Variants in MAPK6 observed in about 807,000 individuals in gnomAD.
MAPK6 encodes ERK-3.
MAPK6 carries 19 observed loss-of-function variants against 59.3 expected under a neutral mutation model. The ratio of observed to expected loss-of-function variants is 0.32; its 90% CI spans 0.22 to 0.47. The LOEUF is 0.47. MAPK6 is among the 20% of genes least tolerant of loss of function. The pLI is 1.00. For missense variants in MAPK6, 724 were observed against 847.9 expected, an observed-to-expected ratio of 0.85 and a Z score of 1.81; for synonymous variants, 316 against 290.3, an observed-to-expected ratio of 1.09 and a Z score of -0.90.
intron 3 of MAPK6, among the ~76,000 whole-genome samples, chr15:52,007,314 C>A (rs894080576): frequency 4.6e-5 from 7 of 152,002 alleles, no homozygotes; most frequent in Non-Finnish European, 4.4e-5. Context: ...CCACCTTCTT[C>A]AGGGCTATCT....
At chr15:51,995,854 G>A (rs1191602691) in intron 2 of MAPK6, among the ~76,000 whole-genome samples, 2 of 152,074 alleles carry the variant, frequency 1.3e-5, no homozygotes, top group Non-Finnish European at 2.9e-5. Flanking sequence ...CTTAAACCCG[G>A]GAGGCAGAGG....
rs918490712 is a variant in MAPK6, at chr15:52,065,333, G to C, written c.*333G>C. 1.5e-5 allele frequency: 3 copies of C among 195,266 alleles called. No individual in the cohort carries two copies. The highest frequency in any genetic ancestry group is 3.1e-5 in the Non-Finnish European group (3 of 96,514). The allele number at this position is 195,266 out of a possible 1,614,324, so 12.1% of individuals were successfully genotyped here. A position where few individuals can be genotyped will look rare whatever the true frequency, so the allele number is the denominator to read the frequency against. Reference sequence around the variant, plus strand: ...CCTTGCCTTGAAATTTACACAGTGAGACTGTACATAATTGCATGAAAATAG... The same window carrying C: ...CCTTGCCTTGAAATTTACACAGTGACACTGTACATAATTGCATGAAAATAG... On this transcript the variant is annotated 3_prime_UTR_variant, in exon 6 of 6. Transcript: ENST00000261845.
At chr15:51,975,538 TAA>T (rs1022543679) in intron 1 of MAPK6, among the ~76,000 whole-genome samples, 1 of 144,666 alleles carries the variant, frequency 6.9e-6, no homozygotes. Flanking sequence ...AGACTCCGTC[TAA>T]AAAAAAAAAG....
At chr15:51,985,055 T>A (rs1595957943) in intron 2 of MAPK6, among the ~76,000 whole-genome samples, 1 of 152,218 alleles carries the variant, frequency 6.6e-6, no homozygotes, top group Non-Finnish European at 1.5e-5. Flanking sequence ...TTATAACATA[T>A]TGCCAGGCAA....
chr15:52,035,294 TG>T (rs1231390190), intron 1 of MAPK6, among the ~76,000 whole-genome samples: 1 of 152,200 alleles, frequency 6.6e-6, no homozygotes, highest in Non-Finnish European at 1.5e-5. Flanking sequence ...CTTTTCTTCA[TG>T]GGATTCTCTC....
At chr15:51,995,762 T>C (rs2057222319) in intron 2 of MAPK6, among the ~76,000 whole-genome samples, 1 of 152,058 alleles carries the variant, frequency 6.6e-6, no homozygotes. Flanking sequence ...ACCCTGTCTC[T>C]ACTAAAAATA....
intron 3 of MAPK6, among the ~76,000 whole-genome samples, 182 bp from the exon 4 acceptor site, chr15:52,058,451 A>G (rs2032066616): frequency 6.6e-6 from 1 of 152,218 alleles, no homozygotes; most frequent in African/African-American, 2.4e-5. Flanking sequence ...TAAATACATC[A>G]GTAAGCAGAA....
chr15:51,990,826 C>T lies in MAPK6; in HGVS notation c.-770+7511C>T, dbSNP rs371546568. Among the ~76,000 whole-genome samples the T allele has an allele frequency of 4.6e-5, 7 of 152,074 alleles. No individual in the cohort carries two copies. In the East Asian group the frequency reaches 5.8e-4, roughly 13 times the overall value. On this transcript the variant is annotated intron_variant, in intron 2 of 7. Coordinates refer to the MAPK6 transcript ENST00000691380. Reference sequence around the variant, plus strand: ...AAAATTAGCCAGGCATGGTGGCGGGCGCCTGTAGTCCCGGCTACTCGGGAG... The same window carrying T: ...AAAATTAGCCAGGCATGGTGGCGGGTGCCTGTAGTCCCGGCTACTCGGGAG...
In MAPK6 at chr15:52,064,291, A is replaced by T. The variant is rs771182469; in HGVS notation, c.1457A>T (p.Lys486Ile). 6.2e-7 allele frequency: 1 copy of T among 1,610,316 alleles called. No individual in the cohort carries two copies. Among genetic ancestry groups the T allele is most frequent in the Non-Finnish European group, 8.5e-7 (1 of 1,179,112 alleles). Residue 486 changes from lysine to isoleucine, a missense_variant, in exon 6 of 6, where the codon AAA becomes ATA. By Grantham distance (102) the Lys-to-Ile change is moderately radical (BLOSUM62 -3). Transcript: ENST00000261845. ...AATTGGAAAGAACAAAGCAAAGAAA[A>T]ATCTGATAAGAAAGGCAAATCAAAA... Reference protein sequence around the residue: ...LSNWKEQSKEKSDKKGKSKCE... With the variant: ...LSNWKEQSKEISDKKGKSKCE...
intron 1 of MAPK6, among the ~76,000 whole-genome samples, chr15:52,035,052 T>G (rs2031190779): frequency 6.6e-6 from 1 of 152,216 alleles, no homozygotes; most frequent in South Asian, 2.1e-4. Context: ...AGCTCTGCTT[T>G]TTAGTCTAGA....
chr15:52,016,101 C>CAT (rs1229902415), upstream of MAPK6, among the ~76,000 whole-genome samples: 1 of 146,488 alleles, frequency 6.8e-6, no homozygotes, highest in African/African-American at 2.5e-5. Flanking sequence ...CACACACACA[C>CAT]ACACACAAAC....
intron 1 of MAPK6, among the ~76,000 whole-genome samples, chr15:52,043,054 C>T (rs1213206075): frequency 2.0e-5 from 3 of 151,988 alleles, no homozygotes; most frequent in Admixed American, 2.0e-4. Flanking sequence ...ATTGCTTGAG[C>T]CCAGAATGCA....
intron 2 of MAPK6, among the ~76,000 whole-genome samples, chr15:51,993,622 G>T (rs910099781): frequency 1.3e-5 from 2 of 152,018 alleles, no homozygotes; most frequent in African/African-American, 4.8e-5. Flanking sequence ...AGATGTAAAT[G>T]TGTGTATATG....
chr15:51,973,840 T>C (rs915523661), intron 1 of MAPK6, among the ~76,000 whole-genome samples: 30 of 151,752 alleles, frequency 2.0e-4, no homozygotes, highest in Admixed American at 6.6e-5. Flanking sequence ...TTAGTAGAGA[T>C]GGGATTTCAT....
intron 5 of MAPK6, among the ~76,000 whole-genome samples, chr15:52,063,312 CT>C (rs2032278929): frequency 1.3e-5 from 2 of 152,236 alleles, no homozygotes; most frequent in African/African-American, 2.4e-5. Context: ...ATCCATCCAC[CT>C]TGGCCTTCTT....
chr15:52,000,565 T>C (rs1476751312), intron 2 of MAPK6, among the ~76,000 whole-genome samples: 1 of 152,304 alleles, frequency 6.6e-6, no homozygotes, highest in East Asian at 1.9e-4. Context: ...CCCAGCACTT[T>C]GGGAGGCTGA....
intron 1 of MAPK6, among the ~76,000 whole-genome samples, chr15:52,037,599 C>G (rs1052782112): frequency 4.6e-5 from 7 of 152,140 alleles, no homozygotes; most frequent in Non-Finnish European, 1.0e-4. Context: ...TGAAGTGTTT[C>G]ATTTCTTCAT....
chr15:52,064,471 T>A lies in MAPK6; in HGVS notation c.1637T>A (p.Val546Asp), dbSNP rs776941865. The part of the protein sequence containing the change: ...QLSSQHEPTD[V>D]VDKLNDLNSS... ...AGTTCCCAGCATGAGCCTACTGATG[T>A]TGTTGATAAATTAAATGACTTGAAT... Residue 546 changes from valine to aspartate, a missense_variant, in exon 6 of 6, where the codon GTT becomes GAT. Around this residue, in one of 4 missense-constraint regions of MAPK6, gnomAD observed 502 missense variants for 507.6 expected, o/e 0.99. Coordinates refer to ENST00000261845, the MANE Select transcript of MAPK6 (RefSeq NM_002748.4). 15 of 1,608,370 alleles carry A rather than the reference T, an allele frequency of 9.3e-6. No individual in the cohort carries two copies. The highest frequency in any genetic ancestry group is 1.2e-5 in the Non-Finnish European group (14 of 1,178,024).
intron 4 of MAPK6, among the ~76,000 whole-genome samples, chr15:52,059,886 G>C (rs1016721800): frequency 2.0e-5 from 3 of 152,202 alleles, no homozygotes; most frequent in African/African-American, 4.8e-5. Context: ...TTTTGGGACA[G>C]AGCACATTCT....
Sources: gnomAD v4.1 joint callset for allele counts (sites outside exome capture counted in the v4.1 genomes callset) on GRCh38, gnomAD v4.1.1 for gene constraint, gnomAD v4.1.1 regional missense constraint, MANE v1.5 for transcripts, NCBI Gene and HGNC (gene_info 2026-07-23, HGNC 2026-07-21) for gene names.